Variants in WIPF3 observed in about 807,000 individuals in gnomAD.
WIPF3 encodes WAS/WASL-interacting protein family member 3.
A neutral mutation model predicts 38.9 loss-of-function variants in WIPF3; 33 were observed. The ratio of observed to expected loss-of-function variants is 0.85; its 90% CI spans 0.64 to 1.14. WIPF3 has a LOEUF of 1.14. WIPF3 is among the 50% of genes most tolerant of loss of function. The pLI, the probability that WIPF3 is intolerant of heterozygous loss-of-function variation, is 0.00. For missense variants in WIPF3, 711 were observed against 652.5 expected, an observed-to-expected ratio of 1.09 and a Z score of -0.98; for synonymous variants, 324 against 269.3, an observed-to-expected ratio of 1.20 and a Z score of -1.99.
At chr7:29,840,378 T>C (rs1784894688) in intron 2 of WIPF3, among the ~76,000 whole-genome samples, 1 of 152,240 alleles carries the variant, frequency 6.6e-6, no homozygotes, top group African/African-American at 2.4e-5. Flanking sequence ...CAGGTGTCCC[T>C]TCCTCCTACA....
intron 3 of WIPF3, among the ~76,000 whole-genome samples, chr7:29,877,056 A>T (rs1785613739): frequency 6.6e-6 from 1 of 152,204 alleles, no homozygotes; most frequent in African/African-American, 2.4e-5. Flanking sequence ...TGTCGACATG[A>T]TGCCTCATGT....
chr7:29,893,844 C>G (rs1014141933), intron 7 of WIPF3, among the ~76,000 whole-genome samples: 1 of 152,154 alleles, frequency 6.6e-6, no homozygotes, highest in Non-Finnish European at 1.5e-5. Flanking sequence ...TTACACCCAC[C>G]TGGCCCCTGA....
chr7:29,855,650 C>G (rs953975562), intron 2 of WIPF3, among the ~76,000 whole-genome samples: 1 of 152,078 alleles, frequency 6.6e-6, no homozygotes, highest in Non-Finnish European at 1.5e-5. Context: ...CTGGAGTGGA[C>G]GAGCAGACCC....
intron 7 of WIPF3, among the ~76,000 whole-genome samples, chr7:29,899,585 T>C (rs907107662): frequency 1.3e-5 from 2 of 152,350 alleles, no homozygotes; most frequent in Admixed American, 1.3e-4. Flanking sequence ...CATATATGCA[T>C]TGCTGAACCA....
At position 29,904,356 on chromosome 7, in the gene WIPF3, T is replaced by C. The variant is rs757983835; in HGVS notation, c.1422T>C (p.Asn474=). The part of the protein sequence containing the change: ...GQSSDDIKGR[N]SQLSLKTLR ...GCTCTGATGACATCAAAGGCAGAAATTCTCAGGTAACACAAGCCTCATGTC... is the reference window on the plus strand; with the variant it reads ...GCTCTGATGACATCAAAGGCAGAAACTCTCAGGTAACACAAGCCTCATGTC... Residue 474 remains asparagine, a synonymous_variant, in exon 8 of 9, where the codon AAT becomes AAC. Transcript: ENST00000242140. 1 of 1,613,874 alleles carries C rather than the reference T, an allele frequency of 6.2e-7. No individual in the cohort carries two copies.
chr7:29,868,518 G>GTGTA (rs1554345935), intron 2 of WIPF3, among the ~76,000 whole-genome samples: 1 of 148,128 alleles, frequency 6.8e-6, no homozygotes, highest in Non-Finnish European at 1.5e-5. Flanking sequence ...ATAATGAGAA[G>GTGTA]TATATATATA....
chr7:29,914,593 G>A lies in WIPF3; in HGVS notation c.*77G>A, dbSNP rs893264112. ...CAGACCCCACCCACCCCATGCTCAA[G>A]CTGTAATTCAGTTGGCATACAGGCT... On this transcript the variant is annotated 3_prime_UTR_variant, in exon 9 of 9. Coordinates refer to ENST00000242140, the MANE Select transcript of WIPF3 (RefSeq NM_001080529.3). The A allele has an allele frequency of 8.9e-7, 1 of 1,117,416 alleles. No individual in the cohort carries two copies. Among genetic ancestry groups the A allele is most frequent in the African/African-American group, 1.6e-5 (1 of 61,396 alleles). The allele number at this position is 1,117,416 out of a possible 1,614,324, so 69.2% of individuals were successfully genotyped here.
intron 1 of WIPF3, among the ~76,000 whole-genome samples, chr7:29,828,836 A>G (rs1784669269): frequency 1.3e-5 from 2 of 152,312 alleles, no homozygotes; most frequent in South Asian, 4.1e-4. Flanking sequence ...AATGTGGGAA[A>G]TTCCTCCAGC....
chr7:29,829,723 A>T (rs983387999), intron 1 of WIPF3, among the ~76,000 whole-genome samples: 2 of 152,218 alleles, frequency 1.3e-5, no homozygotes, highest in Non-Finnish European at 2.9e-5. Flanking sequence ...CCACACGGCC[A>T]GGAAAAGGGA....
intron 3 of WIPF3, among the ~76,000 whole-genome samples, chr7:29,877,272 G>A (rs1042893710): frequency 1.3e-5 from 2 of 152,192 alleles, no homozygotes; most frequent in Non-Finnish European, 2.9e-5. Flanking sequence ...ATTTTTAAAA[G>A]CCAGCTAGCA....
intron 3 of WIPF3, among the ~76,000 whole-genome samples, chr7:29,877,606 A>C (rs1329041668): frequency 6.6e-6 from 1 of 152,238 alleles, no homozygotes; most frequent in Non-Finnish European, 1.5e-5. Flanking sequence ...ATAGAAATTC[A>C]GTGTCAGGAA....
chr7:29,837,321 A>C (rs559602798), intron 2 of WIPF3, among the ~76,000 whole-genome samples: 1 of 152,348 alleles, frequency 6.6e-6, no homozygotes, highest in East Asian at 1.9e-4. Context: ...ACGCCACTGC[A>C]CTCCAGCCTG....
At chr7:29,901,896 A>G (rs1361718004) in intron 7 of WIPF3, among the ~76,000 whole-genome samples, 1 of 151,666 alleles carries the variant, frequency 6.6e-6, no homozygotes, top group Non-Finnish European at 1.5e-5. Flanking sequence ...TTGCTAACCT[A>G]TGGTGAAGCC....
chr7:29,869,026 CT>C (rs377448147), intron 2 of WIPF3, among the ~76,000 whole-genome samples: 149 of 145,600 alleles, frequency 1.0e-3, no homozygotes, highest in Middle Eastern at 3.6e-3. Context: ...CATCCCCACT[CT>C]TTTTTTTTTT....
intron 2 of WIPF3, among the ~76,000 whole-genome samples, chr7:29,852,511 G>C (rs1785119623): frequency 6.6e-6 from 1 of 152,152 alleles, no homozygotes; most frequent in Non-Finnish European, 1.5e-5. Context: ...AGCTATATTA[G>C]GACATATTAT....
intron 2 of WIPF3, among the ~76,000 whole-genome samples, chr7:29,843,851 C>T (rs1784957106): frequency 6.6e-6 from 1 of 151,998 alleles, no homozygotes; most frequent in South Asian, 2.1e-4. Flanking sequence ...GGTTAGAGAA[C>T]CAGCCCTGCC....
chr7:29,813,813 C>T (rs1179164364), intron 1 of WIPF3, among the ~76,000 whole-genome samples: 2 of 152,122 alleles, frequency 1.3e-5, no homozygotes, highest in Non-Finnish European at 2.9e-5. Flanking sequence ...CGTTAATAGT[C>T]GCTTCTCATC....
intron 2 of WIPF3, among the ~76,000 whole-genome samples, chr7:29,865,567 G>A (rs1014223435): frequency 6.6e-6 from 1 of 152,132 alleles, no homozygotes; most frequent in Non-Finnish European, 1.5e-5. Context: ...AGACAGGGAA[G>A]GAAAGGCCTC....
Position 29,884,524 on chromosome 7 carries a change from G to C in WIPF3, c.1030G>C (p.Ala344Pro). The change falls in exon 5 of 9, where the codon GCC becomes CCC. Residue 344 changes from alanine (A) to proline (P), a missense_variant. By Grantham distance (27) the Ala-to-Pro change is conservative. Transcript: ENST00000242140. ...QAPPQKAGAQ[A>P]LPAPPAPPGS... The stretch of plus-strand genomic sequence containing the variant: ...CCCACCGCAGAAGGCCGGTGCGCAG[G>C]CCTTGCCCGCCCCGCCTGCCCCTCC... The C allele has an allele frequency of 6.3e-7, 1 of 1,585,016 alleles. No individual in the cohort carries two copies. The highest frequency in any genetic ancestry group is 8.6e-7 in the Non-Finnish European group (1 of 1,166,940).
Sources: gnomAD v4.1 joint callset for allele counts (sites outside exome capture counted in the v4.1 genomes callset) on GRCh38, gnomAD v4.1.1 for gene constraint, MANE v1.5 for transcripts, NCBI Gene and HGNC (gene_info 2026-07-23, HGNC 2026-07-21) for gene names.